The following F13A1 variants were observed in gnomAD, a reference collection of about 807,000 sequenced individuals.
F13A1 encodes FSF, A subunit.
F13A1 carries 47 observed loss-of-function variants against 80.1 expected under a neutral mutation model. The observed-to-expected ratio is 0.59, with a 90% CI of 0.46 to 0.75. The LOEUF is 0.75. Ranked by LOEUF, F13A1 falls within the 30% of genes least tolerant of loss-of-function variation. The pLI, the probability that F13A1 is intolerant of heterozygous loss-of-function variation, is 0.00. For synonymous variants in F13A1, 349 were observed against 344.9 expected (o/e 1.01, Z -0.13); for missense variants, 817 against 930.4 (o/e 0.88, Z 1.59).
At chr6:6,190,819 C>A (rs1179067597) in intron 10 of F13A1, among the ~76,000 whole-genome samples, 1 of 152,102 alleles carries the variant, frequency 6.6e-6, no homozygotes, top group African/African-American at 2.4e-5. Flanking sequence ...GCCCCTCCCC[C>A]AGCCTCGCTG....
intron 8 of F13A1, among the ~76,000 whole-genome samples, chr6:6,218,934 T>G (rs886262764): frequency 1.3e-5 from 2 of 152,112 alleles, no homozygotes; most frequent in East Asian, 1.9e-4. Flanking sequence ...AGGCTGGGAT[T>G]TGGCTGAGTC....
intron 2 of F13A1, among the ~76,000 whole-genome samples, chr6:6,309,846 G>A (rs1416307306): frequency 6.6e-6 from 1 of 152,120 alleles, no homozygotes; most frequent in South Asian, 2.1e-4. Flanking sequence ...TGCTCCTCTG[G>A]TACTCCTGGA....
intron 3 of F13A1, among the ~76,000 whole-genome samples, chr6:6,289,849 T>C (rs11243070): frequency 0.085 from 12,929 of 152,086 alleles, 699 homozygotes; most frequent in Middle Eastern, 0.14. Flanking sequence ...CAATTTCCAT[T>C]CCCCTGGGTC....
intron 13 of F13A1, among the ~76,000 whole-genome samples, chr6:6,165,987 C>G (rs766726848): frequency 1.3e-5 from 2 of 152,266 alleles, no homozygotes; most frequent in Non-Finnish European, 2.9e-5. Flanking sequence ...ATGGGCATTA[C>G]ATGCCCGTGA....
At chr6:6,230,570 G>A (rs1177807794) in intron 6 of F13A1, among the ~76,000 whole-genome samples, 1 of 152,082 alleles carries the variant, frequency 6.6e-6, no homozygotes, top group Non-Finnish European at 1.5e-5. Flanking sequence ...CCCACCACTG[G>A]TTCCTCCCCA....
chr6:6,196,568 C>T (rs572006596), intron 9 of F13A1, among the ~76,000 whole-genome samples: 2 of 152,282 alleles, frequency 1.3e-5, no homozygotes, highest in South Asian at 4.1e-4. Flanking sequence ...AATGTTTATG[C>T]ATGTTCCTGT....
intron 8 of F13A1, among the ~76,000 whole-genome samples, chr6:6,198,941 A>C (rs1201425537): frequency 6.6e-6 from 1 of 152,096 alleles, no homozygotes; most frequent in Non-Finnish European, 1.5e-5. Context: ...GATAAATGGG[A>C]ATTTAGGAGG....
intron 3 of F13A1, among the ~76,000 whole-genome samples, chr6:6,268,070 C>T (rs1490426860): frequency 1.3e-5 from 2 of 152,172 alleles, no homozygotes; most frequent in Non-Finnish European, 2.9e-5. Context: ...GAAAGCTATG[C>T]TTTTTCATGC....
intron 4 of F13A1, among the ~76,000 whole-genome samples, chr6:6,252,855 A>AG (rs752102864): frequency 6.6e-6 from 1 of 152,102 alleles, no homozygotes; most frequent in Non-Finnish European, 1.5e-5. Context: ...TCTGGAAAAA[A>AG]CAATGTGAAA....
intron 6 of F13A1, among the ~76,000 whole-genome samples, chr6:6,226,891 G>A (rs938079106): frequency 1.3e-5 from 2 of 152,152 alleles, no homozygotes; most frequent in African/African-American, 4.8e-5. Context: ...ACCTGAGGAA[G>A]GGAGTTATCA....
At chr6:6,157,979 C>T (rs556383728) in intron 13 of F13A1, among the ~76,000 whole-genome samples, 1 of 152,176 alleles carries the variant, frequency 6.6e-6, no homozygotes, top group African/African-American at 2.4e-5. Flanking sequence ...GGAGGGCTCA[C>T]TCATAGACAT....
intron 10 of F13A1, among the ~76,000 whole-genome samples, chr6:6,190,980 C>A (rs550017680): frequency 6.6e-6 from 1 of 152,174 alleles, no homozygotes; most frequent in Non-Finnish European, 1.5e-5. Flanking sequence ...GTGAGTGACC[C>A]GATTTTCCAG....
At chr6:6,197,202 A>G in intron 9 of F13A1, 21 bp downstream of exon 9, 3 of 1,609,774 alleles carry the variant, frequency 1.9e-6, no homozygotes, top group Non-Finnish European at 2.6e-6. Flanking sequence ...GCAAGTTCCC[A>G]GAGGGAGGAC....
intron 12 of F13A1, among the ~76,000 whole-genome samples, chr6:6,173,016 TAC>T: frequency 6.6e-6 from 1 of 152,292 alleles, no homozygotes; most frequent in East Asian, 1.9e-4. Flanking sequence ...TTATTATTTG[TAC>T]ACTTTTCTCT....
chr6:6,271,854 C>T (rs1044596613), intron 3 of F13A1, among the ~76,000 whole-genome samples: 4 of 152,202 alleles, frequency 2.6e-5, no homozygotes, highest in African/African-American at 9.7e-5. Context: ...TCTCATTGTC[C>T]CTTTACTGAG....
intron 11 of F13A1, among the ~76,000 whole-genome samples, chr6:6,179,524 G>C (rs756733768): frequency 9.2e-5 from 14 of 152,190 alleles, no homozygotes; most frequent in Non-Finnish European, 1.9e-4. Flanking sequence ...CCACGGATAT[G>C]ACGAGTCCTC....
chr6:6,257,622 G>A (rs1309736155), intron 4 of F13A1, among the ~76,000 whole-genome samples: 3 of 152,126 alleles, frequency 2.0e-5, no homozygotes, highest in Non-Finnish European at 2.9e-5. Context: ...ACCAGAATTT[G>A]CACCCTCAGG....
Position 6,199,145 on chromosome 6 carries a change from C to T in F13A1, c.1113-1819G>A, listed in dbSNP as rs547910302. Among the ~76,000 whole-genome samples, 3 of 152,312 alleles carry T rather than the reference C, an allele frequency of 2.0e-5. No individual in the cohort carries two copies. In the East Asian group the frequency reaches 5.8e-4, roughly 29 times the overall value. ...CACTTCCTTAGTGCGAAGTGGTGTTCTAAAACCCTCATGGATGTTAACACA... is the reference window on the plus strand; with the variant it reads ...CACTTCCTTAGTGCGAAGTGGTGTTTTAAAACCCTCATGGATGTTAACACA... On this transcript the variant is annotated intron_variant, in intron 8 of 14. Coordinates refer to ENST00000264870, the MANE Select transcript of F13A1 (RefSeq NM_000129.4).
chr6:6,189,929 A>G (rs1234162259), intron 10 of F13A1, among the ~76,000 whole-genome samples: 1 of 151,922 alleles, frequency 6.6e-6, no homozygotes, highest in Non-Finnish European at 1.5e-5. Flanking sequence ...GTTTCTTTTT[A>G]TTCTTTTTTC....
Sources: gnomAD v4.1 joint callset for allele counts (sites outside exome capture counted in the v4.1 genomes callset) on GRCh38, gnomAD v4.1.1 for gene constraint, MANE v1.5 for transcripts, NCBI Gene and HGNC (gene_info 2026-07-23, HGNC 2026-07-21) for gene names.